Variants in EBF3 observed in about 807,000 individuals in gnomAD.
EBF3 encodes the protein EBF transcription factor 3.
Under a neutral mutation model 77.1 loss-of-function variants are expected in EBF3, and 18 were observed. The ratio of observed to expected loss-of-function variants is 0.23; its 90% CI spans 0.16 to 0.35. EBF3 has a LOEUF of 0.35. EBF3 is among the 10% of genes least tolerant of loss of function. The pLI, the probability that EBF3 is intolerant of heterozygous loss-of-function variation, is 1.00. For missense variants in EBF3, 558 were observed against 860.0 expected (o/e 0.65, Z 4.39); for synonymous variants, 350 against 343.5 (o/e 1.02, Z -0.21).
In EBF3 at chr10:129,873,705, C is replaced by T. The variant is rs75320511; in HGVS notation, c.637-109G>A. 2.0e-4 allele frequency: 243 copies of T among 1,214,182 alleles called. 1 individual carries two copies. The African/African-American group carries it at 3.5e-3, about 17-fold the overall frequency. The allele number at this position is 1,214,182 out of a possible 1,614,324, so 75.2% of individuals were successfully genotyped here. ...TACTGCAGAGCACAAGGAAATTTCA[C>T]GTGTTCCTGGACACTGTTGATCGAT... On this transcript the variant is annotated intron_variant, in intron 7 of 16. Transcript: ENST00000440978.
At chr10:129,925,082 A>ACG (rs1358955641) in intron 6 of EBF3, among the ~76,000 whole-genome samples, 3 of 62,604 alleles carry the variant, frequency 4.8e-5, no homozygotes, top group Non-Finnish European at 8.5e-5. Flanking sequence ...GTGTGTGTGC[A>ACG]CGCGTGTGTG....
chr10:129,847,142 G>A (rs1850525592), intron 11 of EBF3, among the ~76,000 whole-genome samples: 1 of 152,132 alleles, frequency 6.6e-6, no homozygotes, highest in Admixed American at 6.5e-5. Context: ...GAGTGGGAAG[G>A]TGACCAGGGA....
chr10:129,894,057 C>G (rs898318442), intron 6 of EBF3, among the ~76,000 whole-genome samples: 2 of 152,184 alleles, frequency 1.3e-5, no homozygotes, highest in African/African-American at 4.8e-5. Context: ...TAAGTGCCCC[C>G]CTCCTTCCTA....
At chr10:129,854,532 G>A (rs751695459) in intron 10 of EBF3, among the ~76,000 whole-genome samples, 20 of 152,026 alleles carry the variant, frequency 1.3e-4, no homozygotes, top group Non-Finnish European at 2.5e-4. Flanking sequence ...TTCCTGATAC[G>A]ACGTGTAATA....
chr10:129,924,768 G>A (rs1856551157), intron 6 of EBF3, among the ~76,000 whole-genome samples: 1 of 152,138 alleles, frequency 6.6e-6, no homozygotes, highest in South Asian at 2.1e-4. Flanking sequence ...CTGGCCTCAA[G>A]CAATCCTCCT....
chr10:129,956,284 A>C (rs1002321518), intron 6 of EBF3, among the ~76,000 whole-genome samples: 1 of 152,180 alleles, frequency 6.6e-6, no homozygotes, highest in South Asian at 2.1e-4. Context: ...AAAGCTGCGG[A>C]AATTCAACCC....
chr10:129,877,548 T>C (rs1852877341), intron 7 of EBF3, among the ~76,000 whole-genome samples: 1 of 151,096 alleles, frequency 6.6e-6, no homozygotes, highest in Non-Finnish European at 1.5e-5. Flanking sequence ...CTGTTCGCTA[T>C]ATTGTGCCCA....
intron 6 of EBF3, among the ~76,000 whole-genome samples, chr10:129,921,468 G>A (rs1856302494): frequency 6.6e-6 from 1 of 152,204 alleles, no homozygotes; most frequent in African/African-American, 2.4e-5. Context: ...CTGGGCAGAG[G>A]ATACCCCCGA....
intron 6 of EBF3, among the ~76,000 whole-genome samples, chr10:129,909,250 T>C (rs1855351967): frequency 6.6e-6 from 1 of 152,210 alleles, no homozygotes; most frequent in Non-Finnish European, 1.5e-5. Flanking sequence ...TGCATGGGTC[T>C]CTCTTGCAAG....
chr10:129,940,023 C>T (rs1385904420), intron 6 of EBF3, among the ~76,000 whole-genome samples: 3 of 152,232 alleles, frequency 2.0e-5, no homozygotes, highest in Non-Finnish European at 4.4e-5. Context: ...GCCTCTTTTC[C>T]GAGTACACAA....
intron 6 of EBF3, among the ~76,000 whole-genome samples, chr10:129,933,600 C>T (rs1857170807): frequency 1.3e-5 from 2 of 152,228 alleles, no homozygotes; most frequent in Admixed American, 1.3e-4. Flanking sequence ...CCGCTCCCAG[C>T]CCAGCAGCCT....
At chr10:129,851,070 G>T (rs551831632) in intron 10 of EBF3, among the ~76,000 whole-genome samples, 2 of 152,338 alleles carry the variant, frequency 1.3e-5, no homozygotes, top group South Asian at 4.1e-4. Context: ...TAATTATGAG[G>T]GGGAGAGATT....
Position 129,957,161 on chromosome 10 carries a change from C to T in EBF3, c.554+97G>A, listed in dbSNP as rs1348746832. 4 of 1,115,808 alleles carry T rather than the reference C, an allele frequency of 3.6e-6. No homozygotes were observed. In the South Asian group the frequency reaches 4.4e-5, roughly 12 times the overall value. The allele number at this position is 1,115,808 out of a possible 1,614,324, so 69.1% of individuals were successfully genotyped here. On this transcript the variant is annotated intron_variant, in intron 6 of 16. Coordinates refer to ENST00000440978, the MANE Select transcript of EBF3 (RefSeq NM_001375380.1). The stretch of plus-strand genomic sequence containing the variant: ...TGCAATGCACAAGATGGGCTCGACA[C>T]CAGCCTCAAAAATATGGAGCAACTG...
intron 3 of EBF3, 148 bp downstream of exon 3, chr10:129,962,794 C>A: frequency 4.5e-6 from 4 of 887,580 alleles, no homozygotes; most frequent in Non-Finnish European, 6.9e-6. Context: ...ACTTATTGAT[C>A]GTTTATGTTT....
chr10:129,945,107 A>AGGGGGGGGGGGGGG (rs1246212822), intron 6 of EBF3, among the ~76,000 whole-genome samples: 1 of 5,392 alleles, frequency 1.9e-4, no homozygotes. Flanking sequence ...AGGGGAGGGG[A>AGGGGGGGGGGGGGG]AGGGGGGGGA....
chr10:129,949,136 T>TA (rs771388748), intron 6 of EBF3, among the ~76,000 whole-genome samples: 12 of 151,826 alleles, frequency 7.9e-5, no homozygotes, highest in African/African-American at 2.2e-4. Flanking sequence ...CTGTCTCTAC[T>TA]AAAAAAAATA....
intron 6 of EBF3, among the ~76,000 whole-genome samples, chr10:129,916,961 A>G (rs1236329290): frequency 6.6e-6 from 1 of 152,246 alleles, no homozygotes; most frequent in African/African-American, 2.4e-5. Context: ...CTAAAACATC[A>G]GCAGGAAAAG....
At position 129,835,458 on chromosome 10, in the gene EBF3, G is replaced by C. The variant is rs1334553830; in HGVS notation, c.*2485C>G. On this transcript the variant is annotated 3_prime_UTR_variant, in exon 17 of 17. Transcript: ENST00000440978. ...GAGACAGTGAAGTGATGTGGGCATT[G>C]ACTACTTAACCTAAAACACAAACCA... 2 of 152,222 alleles carry C rather than the reference G, an allele frequency of 1.3e-5. No homozygotes were observed. Among genetic ancestry groups the C allele is most frequent in the Non-Finnish European group, 2.9e-5 (2 of 68,060 alleles). The allele number at this position is 152,222 out of a possible 1,614,324, so 9.4% of individuals were successfully genotyped here.
chr10:129,919,798 C>T (rs1448244877), intron 6 of EBF3, among the ~76,000 whole-genome samples: 1 of 152,158 alleles, frequency 6.6e-6, no homozygotes, highest in Non-Finnish European at 1.5e-5. Flanking sequence ...CTGGTGGCCC[C>T]CATGTCTCTG....
Sources: gnomAD v4.1 joint callset for allele counts (sites outside exome capture counted in the v4.1 genomes callset) on GRCh38, gnomAD v4.1.1 for gene constraint, MANE v1.5 for transcripts, NCBI Gene and HGNC (gene_info 2026-07-23, HGNC 2026-07-21) for gene names.